The following B3GALNT2 variants were observed in gnomAD, a reference collection of about 807,000 sequenced individuals.
B3GALNT2 encodes beta-1,3-N-acetylgalactosaminyltransferase 2.
A neutral mutation model predicts 61.1 loss-of-function variants in B3GALNT2; 53 were observed. The ratio of observed to expected loss-of-function variants is 0.87; its 90% CI spans 0.70 to 1.09. The LOEUF (loss-of-function observed/expected upper bound fraction) is 1.09. Among genes scored for constraint, B3GALNT2 ranks in the 50% least tolerant of loss-of-function variants. The pLI is 0.00. For synonymous variants in B3GALNT2, 223 were observed against 237.4 expected (o/e 0.94, Z 0.56); for missense variants, 544 against 623.0 (o/e 0.87, Z 1.35).
At chr1:235,441,893 C>A in the B3GALNT2 span, 1 of 1,612,564 alleles carries the variant, frequency 6.2e-7, no homozygotes, top group South Asian at 1.1e-5. Context: ...GTAAGAATCT[C>A]AGATTCAAAT....
the B3GALNT2 span, among the ~76,000 whole-genome samples, chr1:235,442,070 T>C: frequency 6.6e-6 from 1 of 151,452 alleles, no homozygotes; most frequent in African/African-American, 2.4e-5. Flanking sequence ...TGCAGTGGTG[T>C]GATCTCAGCT....
chr1:235,463,461 A>G (rs1214822602), intron 7 of B3GALNT2: 1 of 151,078 alleles, frequency 6.6e-6, no homozygotes, highest in Admixed American at 6.6e-5. Context: ...TTTTTTGCAC[A>G]AATTAACAAG....
chr1:235,485,480 A>AT (rs1243180989), intron 3 of B3GALNT2, among the ~76,000 whole-genome samples: 1 of 151,912 alleles, frequency 6.6e-6, no homozygotes, highest in African/African-American at 2.4e-5. Context: ...GGCCTTGCTA[A>AT]TTTTTTGTAG....
intron 7 of B3GALNT2, among the ~76,000 whole-genome samples, chr1:235,459,284 A>G (rs1683307435): frequency 6.6e-6 from 1 of 152,202 alleles, no homozygotes; most frequent in Non-Finnish European, 1.5e-5. Flanking sequence ...GATAAATACA[A>G]TATGACACCA....
At chr1:235,472,986 G>GCAAA (rs1334390971) in intron 5 of B3GALNT2, among the ~76,000 whole-genome samples, 1 of 151,992 alleles carries the variant, frequency 6.6e-6, no homozygotes, top group Non-Finnish European at 1.5e-5. Context: ...TCTGCTCACT[G>GCAAA]CAAACCCCAC....
chr1:235,484,374 T>C lies in B3GALNT2; in HGVS notation c.503A>G (p.Asp168Gly). Residue 168 changes from aspartate to glycine, a missense_variant, in exon 4 of 12, where the codon GAT becomes GGT. Physicochemically the swap from Asp to Gly is moderately conservative, Grantham distance 94 (BLOSUM62 -1). Coordinates refer to ENST00000366600, the MANE Select transcript of B3GALNT2 (RefSeq NM_152490.5). ...TSLGVFYDAN[D>G]VGFQRNITVK... ...AGTGATGTTCCTCTGGAAACCCACA[T>C]CATTGGCATCGTAGAACACTCCAAG... The C allele has an allele frequency of 6.2e-7, 1 of 1,614,146 alleles. No homozygotes were observed. Among genetic ancestry groups the C allele is most frequent in the Non-Finnish European group, 8.5e-7 (1 of 1,180,008 alleles).
At chr1:235,441,903 T>C in the B3GALNT2 span, 2 of 1,610,578 alleles carry the variant, frequency 1.2e-6, no homozygotes, top group Non-Finnish European at 8.5e-7. Flanking sequence ...CAGATTCAAA[T>C]AGTTTATTTG....
chr1:235,462,569 G>A lies in B3GALNT2; in HGVS notation c.841+3067C>T, dbSNP rs114706898. ...AAACAATCTGTATGTCTATATACTC[G>A]CAATGAACAATCTTAAAATTAAATT... is the stretch of plus-strand genomic sequence containing the variant. On this transcript the variant is annotated intron_variant, in intron 7 of 11. Transcript: ENST00000366600. Among the ~76,000 whole-genome samples, 298 of 152,214 alleles carry A rather than the reference G, an allele frequency of 2.0e-3. 1 individual carries two copies. The highest frequency in any genetic ancestry group is 6.7e-3 in the African/African-American group (278 of 41,524).
chr1:235,480,424 A>G (rs940105373), intron 4 of B3GALNT2, among the ~76,000 whole-genome samples: 2 of 150,464 alleles, frequency 1.3e-5, no homozygotes, highest in Non-Finnish European at 2.9e-5. Context: ...ACCTTGAAAG[A>G]AAAAATATTC....
At chr1:235,455,407 G>C in intron 9 of B3GALNT2, 152 bp downstream of exon 9, 1 of 855,512 alleles carries the variant, frequency 1.2e-6, no homozygotes, top group Non-Finnish European at 1.7e-6. Context: ...CAGCATGACT[G>C]ACCTAGAGTA....
chr1:235,491,609 G>C (rs756277312), intron 2 of B3GALNT2, among the ~76,000 whole-genome samples: 2 of 151,978 alleles, frequency 1.3e-5, no homozygotes, highest in African/African-American at 4.8e-5. Context: ...TATTCTCCAA[G>C]TCAGAACACT....
At chr1:235,486,831 C>A (rs1301225190) in intron 3 of B3GALNT2, among the ~76,000 whole-genome samples, 1 of 152,136 alleles carries the variant, frequency 6.6e-6, no homozygotes, top group Admixed American at 6.6e-5. Flanking sequence ...TCAGTGGATA[C>A]CACATCAGTG....
intron 6 of B3GALNT2, among the ~76,000 whole-genome samples, chr1:235,470,355 C>T (rs1051628798): frequency 2.6e-5 from 4 of 151,934 alleles, no homozygotes; most frequent in East Asian, 3.9e-4. Context: ...CTTTGGGAAG[C>T]GTAGGTGGGC....
rs1330531140 is a variant in B3GALNT2, at chr1:235,458,709, C to G, written c.919G>C (p.Asp307His). Residue 307 changes from aspartate to histidine, a missense_variant, in exon 8 of 12, where the codon GAT (aspartate) becomes CAT (histidine). By Grantham distance (81) the Asp-to-His change is moderately conservative. Transcript: ENST00000366600. Reference sequence around the variant, plus strand: ...CTGCTTTCCTCCTTCAGTAAGGCATCTTCCTCATGGAGATTCCTTATATGA... The same window carrying G: ...CTGCTTTCCTCCTTCAGTAAGGCATGTTCCTCATGGAGATTCCTTATATGA... ...IDHIRNLHEE[D>H]ALLKEESSIY... is the part of the protein sequence containing the mutation. 2 of 1,613,540 alleles carry G rather than the reference C, an allele frequency of 1.2e-6. No homozygotes were observed. Among genetic ancestry groups the G allele is most frequent in the African/African-American group, 2.7e-5 (2 of 74,894 alleles).
downstream of B3GALNT2, among the ~76,000 whole-genome samples, chr1:235,446,323 C>T (rs1054239972): frequency 1.3e-5 from 2 of 152,010 alleles, no homozygotes; most frequent in East Asian, 3.9e-4. Context: ...ATAACAGGTG[C>T]CCGCCACCAT....
Position 235,494,371 on chromosome 1 carries a change from G to T in B3GALNT2, c.260+310C>A, listed in dbSNP as rs148604384. Among the ~76,000 whole-genome samples, 422 of 152,032 alleles carry T rather than the reference G, an allele frequency of 2.8e-3. 13 individuals carry two copies. The East Asian group carries it at 0.062, about 23-fold the overall frequency. ...ACTTTTTGGCCCAAACTATATGGAA[G>T]AAAAGCAAATGAAACAGCCATTTCT... On this transcript the variant is annotated intron_variant, in intron 2 of 11. Transcript: ENST00000366600.
rs1682784903 is a variant in B3GALNT2, at chr1:235,449,839, AG to A, written c.*366del. On this transcript the variant is annotated 3_prime_UTR_variant, in exon 12 of 12. Coordinates refer to ENST00000366600, the MANE Select transcript of B3GALNT2 (RefSeq NM_152490.5). Reference sequence around the variant, plus strand: ...AATCCAGGTTGAAATTCAAACTCTCAGTTACTACTACAGATTTCTGAACTAG... The same window carrying A: ...AATCCAGGTTGAAATTCAAACTCTCATTACTACTACAGATTTCTGAACTAG... 5.5e-6 allele frequency: 1 copy of A among 180,698 alleles called. No individual in the cohort carries two copies. The highest frequency in any genetic ancestry group is 1.2e-5 in the Non-Finnish European group (1 of 84,634). 11.2% of individuals were successfully genotyped at this position (180,698 alleles called of 1,614,324 possible). A position where few individuals can be genotyped will look rare whatever the true frequency, so the allele number is the denominator to read the frequency against.
At chr1:235,501,671 A>G (rs1685586613) in intron 1 of B3GALNT2, among the ~76,000 whole-genome samples, 1 of 152,210 alleles carries the variant, frequency 6.6e-6, no homozygotes, top group Non-Finnish European at 1.5e-5. Flanking sequence ...CTTTTTTAAT[A>G]TTCAGGGAAG....
At chr1:235,474,997 T>A (rs1258304804) in intron 5 of B3GALNT2, among the ~76,000 whole-genome samples, 20 of 94,860 alleles carry the variant, frequency 2.1e-4, no homozygotes, top group Admixed American at 2.2e-4. Flanking sequence ...ATTTTTTTTT[T>A]TTTTTTTTTT....
Sources: gnomAD v4.1 joint callset for allele counts (sites outside exome capture counted in the v4.1 genomes callset) on GRCh38, gnomAD v4.1.1 for gene constraint, MANE v1.5 for transcripts, NCBI Gene and HGNC (gene_info 2026-07-23, HGNC 2026-07-21) for gene names.